GRIA3: variants seen among roughly 807,000 people sequenced by gnomAD.
GRIA3 encodes the protein glutamate ionotropic receptor AMPA type subunit 3, also known as glutamate receptor 3.
A neutral mutation model predicts 63.0 loss-of-function variants in GRIA3; 3 were observed. That is an observed-to-expected ratio of 0.05 (90% CI 0.02 to 0.12). The LOEUF (loss-of-function observed/expected upper bound fraction) is 0.12. Among genes scored for constraint, GRIA3 ranks in the 10% least tolerant of loss-of-function variants. The pLI is 1.00. For synonymous variants in GRIA3, 274 were observed against 257.9 expected (o/e 1.06, Z -0.60); for missense variants, 347 against 700.9 (o/e 0.50, Z 5.70).
chrX:123,487,218 A>C (rs1414858617), intron 15 of GRIA3, among the ~76,000 whole-genome samples: 1 of 112,835 alleles, frequency 8.9e-6, no homozygotes, highest in East Asian at 2.8e-4. Context: ...TGACTGTGCT[A>C]ATTGTTTTAG....
intron 5 of GRIA3, among the ~76,000 whole-genome samples, chrX:123,370,072 C>T (rs903741836): frequency 3.6e-5 from 4 of 111,349 alleles, no homozygotes; most frequent in Non-Finnish European, 3.8e-5. Flanking sequence ...GTTCAGTATT[C>T]GCACCTACAA....
rs73541997 is a variant in GRIA3, at chrX:123,456,297, C to A, written c.2077-8568C>A. The stretch of plus-strand genomic sequence containing the variant: ...AATGAGATGGTGTGTGTTAAATCAC[C>A]CTGGCACCCAGAAAGCTTTATGGAA... On this transcript the variant is annotated intron_variant, in intron 12 of 15. Transcript: ENST00000620443. 4.1e-3 allele frequency among the ~76,000 whole-genome samples: 457 copies of A among 111,002 alleles called. 2 individuals are homozygous for A. Among genetic ancestry groups the A allele is most frequent in the African/African-American group, 0.014 (437 of 30,528 alleles).
At chrX:123,277,811 C>A (rs933319507) in intron 3 of GRIA3, among the ~76,000 whole-genome samples, 1 of 111,940 alleles carries the variant, frequency 8.9e-6, no homozygotes, top group African/African-American at 3.2e-5. Context: ...CCAATAATAT[C>A]TACTTTCCTG....
Position 123,278,821 on chromosome X carries a change from G to C in GRIA3, c.508+25279G>C, listed in dbSNP as rs184052286. Among the ~76,000 whole-genome samples, 251 of 111,856 alleles carry C rather than the reference G, an allele frequency of 2.2e-3. 2 individuals carry two copies. The highest frequency in any genetic ancestry group is 7.6e-3 in the African/African-American group (236 of 30,862). On this transcript the variant is annotated intron_variant, in intron 3 of 15. Transcript: ENST00000620443. ...ATGCCAGTTTCATGCTATTTTGGTT[G>C]TTATGGCTTTGTAGTATACTTTGAA...
At position 123,490,889 on chromosome X, in the gene GRIA3, T is replaced by C. The variant is rs1342551529; in HGVS notation, c.*2179T>C. On this transcript the variant is annotated 3_prime_UTR_variant, in exon 16 of 16. Transcript: ENST00000620443. ...GGTATTGTACAAAGTTTTAATACAT[T>C]TTGTAAATAAAATTGTAAAGAAAGA... The C allele has an allele frequency of 1.8e-5, 2 of 112,729 alleles. No individual in the cohort carries two copies. Among genetic ancestry groups the C allele is most frequent in the Non-Finnish European group, 3.7e-5 (2 of 53,334 alleles). The allele number at this position is 112,729 out of a possible 1,213,427, so 9.3% of individuals were successfully genotyped here. A position where few individuals can be genotyped will look rare whatever the true frequency, so the allele number is the denominator to read the frequency against.
intron 11 of GRIA3, among the ~76,000 whole-genome samples, chrX:123,423,338 A>G (rs1329816074): frequency 1.8e-5 from 2 of 112,154 alleles, no homozygotes; most frequent in African/African-American, 3.2e-5. Flanking sequence ...GAATAATAAA[A>G]GACATGAAGG....
At chrX:123,431,563 C>CA (rs1291847183) in intron 12 of GRIA3, among the ~76,000 whole-genome samples, 1 of 111,588 alleles carries the variant, frequency 9.0e-6, no homozygotes, top group Non-Finnish European at 1.9e-5. Flanking sequence ...GCACATATGC[C>CA]AAAAAAACAA....
At chrX:123,351,660 T>G (rs891076683) in intron 4 of GRIA3, among the ~76,000 whole-genome samples, 9 of 111,953 alleles carry the variant, frequency 8.0e-5, no homozygotes, top group African/African-American at 2.6e-4. Context: ...CTGCTACTAA[T>G]GTACCTCTTT....
intron 2 of GRIA3, among the ~76,000 whole-genome samples, chrX:123,251,748 TAAAGAC>T (rs2044391806): frequency 8.9e-6 from 1 of 111,935 alleles, no homozygotes; most frequent in Non-Finnish European, 1.9e-5. Flanking sequence ...CCTTTTAATA[TAAAGAC>T]GTTTCCTGTG....
At chrX:123,249,357 C>T (rs1346855975) in intron 2 of GRIA3, among the ~76,000 whole-genome samples, 6 of 112,222 alleles carry the variant, frequency 5.3e-5, no homozygotes, top group Non-Finnish European at 9.4e-5. Context: ...CTAGCTCAAA[C>T]ATTCTAAGAA....
chrX:123,339,934 C>T (rs768756555), intron 4 of GRIA3, among the ~76,000 whole-genome samples: 4 of 112,414 alleles, frequency 3.6e-5, no homozygotes, highest in East Asian at 5.6e-4. Flanking sequence ...TGAAATGAGA[C>T]GATTCTGCTT....
At chrX:123,245,030 C>T (rs1403516538) in intron 2 of GRIA3, among the ~76,000 whole-genome samples, 1 of 112,173 alleles carries the variant, frequency 8.9e-6, no homozygotes, top group East Asian at 2.8e-4. Flanking sequence ...TAAGAGACTA[C>T]TCTCAGTCAA....
At chrX:123,270,504 C>T (rs17330407) in intron 3 of GRIA3, among the ~76,000 whole-genome samples, 7,462 of 112,044 alleles carry the variant, frequency 0.067, 327 homozygotes, top group East Asian at 0.33. Flanking sequence ...AGGGGCTGTC[C>T]CCGCCAAGTG....
In GRIA3 at chrX:123,444,865, T is replaced by A. The variant is rs184973341; in HGVS notation, c.2076+16726T>A. ...TTGCCATTTTAACCTGCTATGGGTATTAGGCAAACAGAAGTGTGATCATAT... is the reference window on the plus strand; with the variant it reads ...TTGCCATTTTAACCTGCTATGGGTAATAGGCAAACAGAAGTGTGATCATAT... On this transcript the variant is annotated intron_variant, in intron 12 of 15. Transcript: ENST00000620443. 7.2e-5 allele frequency among the ~76,000 whole-genome samples: 8 copies of A among 111,398 alleles called. No individual in the cohort carries two copies. In the East Asian group the frequency reaches 2.3e-3, roughly 32 times the overall value.
chrX:123,185,440 T>C (rs1467183533), intron 1 of GRIA3, among the ~76,000 whole-genome samples: 2 of 103,497 alleles, frequency 1.9e-5, no homozygotes, highest in Non-Finnish European at 4.0e-5. Flanking sequence ...AACAATATTG[T>C]TTTTCTTCCC....
intron 3 of GRIA3, among the ~76,000 whole-genome samples, chrX:123,272,908 T>C (rs1014347502): frequency 9.0e-6 from 1 of 111,364 alleles, no homozygotes; most frequent in Non-Finnish European, 1.9e-5. Context: ...GGGAGGATAA[T>C]TTCCTCTGGT....
chrX:123,320,756 G>T (rs1190803749), intron 3 of GRIA3, among the ~76,000 whole-genome samples: 1 of 112,109 alleles, frequency 8.9e-6, no homozygotes, highest in African/African-American at 3.2e-5. Context: ...CTAGGGCAAG[G>T]TAAGTGCGGC....
At chrX:123,430,902 G>C (rs780572063) in intron 12 of GRIA3, among the ~76,000 whole-genome samples, 1 of 110,795 alleles carries the variant, frequency 9.0e-6, no homozygotes. Flanking sequence ...AGAATCGCTT[G>C]AACCAGGGAT....
chrX:123,348,084 T>C (rs762475316), intron 4 of GRIA3, among the ~76,000 whole-genome samples: 7 of 111,905 alleles, frequency 6.3e-5, no homozygotes, highest in East Asian at 2.8e-4. Flanking sequence ...ATGAGTTCAC[T>C]GGCACTCTCA....
Sources: gnomAD v4.1 joint callset for allele counts (sites outside exome capture counted in the v4.1 genomes callset) on GRCh38, gnomAD v4.1.1 for gene constraint, MANE v1.5 for transcripts, NCBI Gene and HGNC (gene_info 2026-07-23, HGNC 2026-07-21) for gene names.